ATP7A: variants seen among roughly 807,000 people sequenced by gnomAD.
ATP7A encodes ATPase copper transporting alpha, also known as copper-transporting ATPase 1.
In ATP7A, 7 loss-of-function variants were observed where a neutral mutation model predicts 83.5. The ratio of observed to expected loss-of-function variants is 0.08; its 90% confidence interval spans 0.05 to 0.16. ATP7A has a LOEUF of 0.16. Ranked by LOEUF, ATP7A falls within the 10% of genes least tolerant of loss-of-function variation. The pLI, the probability that ATP7A is intolerant of heterozygous loss-of-function variation, is 1.00. For missense variants in ATP7A, 940 were observed against 1,120.8 expected, an observed-to-expected ratio of 0.84 and a Z score of 2.30; for synonymous variants, 354 against 395.2, an observed-to-expected ratio of 0.90 and a Z score of 1.24.
chrX:78,017,746 T>G (rs781873414), intron 12 of ATP7A, among the ~76,000 whole-genome samples: 1 of 102,776 alleles, frequency 9.7e-6, no homozygotes, highest in East Asian at 3.3e-4. Context: ...AAAAATGCCA[T>G]CCGTCTCTTT....
chrX:77,960,923 A>G (rs2077470830), intron 1 of ATP7A, among the ~76,000 whole-genome samples: 1 of 111,735 alleles, frequency 8.9e-6, no homozygotes, highest in Admixed American at 9.6e-5. Flanking sequence ...GTAGGATGTT[A>G]CAAAAGATAT....
chrX:78,011,380 G>C lies in ATP7A; in HGVS notation c.1947-69G>C. ...TGGTCACAATGTATATCTCTCTGTA[G>C]TATGTAGAATCTTTACCCATTAGCT... is the stretch of plus-strand genomic sequence containing the variant. On this transcript the variant is annotated intron_variant, in intron 8 of 22. Coordinates refer to ENST00000341514, the MANE Select transcript of ATP7A (RefSeq NM_000052.7). 10 of 1,061,650 alleles carry C rather than the reference G, an allele frequency of 9.4e-6. No individual in the cohort carries two copies. In the South Asian group the frequency reaches 1.3e-4, roughly 14 times the overall value. The allele number at this position is 1,061,650 out of a possible 1,213,427, so 87.5% of individuals were successfully genotyped here.
chrX:77,956,733 T>C (rs1361929246), intron 1 of ATP7A, among the ~76,000 whole-genome samples: 1 of 81,894 alleles, frequency 1.2e-5, no homozygotes, highest in Admixed American at 1.5e-4. Flanking sequence ...TCTCCTTTCT[T>C]TCTTTCTTTC....
At chrX:78,005,683 C>CAAAAAAAAAAAAAAAAAAAAAAAAAA (rs1218646073) in intron 6 of ATP7A, among the ~76,000 whole-genome samples, 2 of 13,697 alleles carry the variant, frequency 1.5e-4, no homozygotes, top group Non-Finnish European at 1.2e-4. Context: ...AACTCCATCT[C>CAAAAAAAAAAAAAAAAAAAAAAAAAA]AAAAAAAAAA....
intron 11 of ATP7A, 98 bp from the exon 12 acceptor site, chrX:78,015,656 A>G: frequency 1.8e-6 from 2 of 1,086,491 alleles, no homozygotes; most frequent in Non-Finnish European, 2.5e-6. Flanking sequence ...GGCAGTAATT[A>G]TGGAGCCACA....
chrX:77,932,265 C>T (rs1371771330), intron 1 of ATP7A, among the ~76,000 whole-genome samples: 4 of 97,678 alleles, frequency 4.1e-5, no homozygotes, highest in African/African-American at 1.2e-4. Flanking sequence ...ACATCCCAGA[C>T]GGGGCGGCGG....
chrX:77,939,426 C>A (rs904664633), intron 1 of ATP7A, among the ~76,000 whole-genome samples: 1 of 110,627 alleles, frequency 9.0e-6, no homozygotes, highest in Non-Finnish European at 1.9e-5. Context: ...GCAGTATGGC[C>A]GGGTCAGAGA....
chrX:77,973,168 A>G (rs2077558302), intron 2 of ATP7A, among the ~76,000 whole-genome samples: 1 of 111,743 alleles, frequency 8.9e-6, no homozygotes, highest in Non-Finnish European at 1.9e-5. Context: ...ATATTTAGGA[A>G]CTTATGAAAA....
chrX:77,998,681 G>A lies in ATP7A; in HGVS notation c.1540G>A (p.Glu514Lys). The A allele has an allele frequency of 4.1e-6, 5 of 1,210,549 alleles. No individual in the cohort carries two copies. The highest frequency in any genetic ancestry group is 5.6e-6 in the Non-Finnish European group (5 of 894,400). ...CATTGAACGGAATTTAAGGCGGGAAGAAGGTGAGACACTCTTGAAGCTTGT... is the reference window on the plus strand; with the variant it reads ...CATTGAACGGAATTTAAGGCGGGAAAAAGGTGAGACACTCTTGAAGCTTGT... ...ANIERNLRREEGIYSILVALM... is the reference protein window; with the variant it reads ...ANIERNLRREKGIYSILVALM... The change falls in exon 5 of 23, where the codon GAA becomes AAA. Residue 514 changes from glutamate (E) to lysine (K), a missense_variant. Glu to Lys is a moderately conservative substitution (Grantham distance 56). Coordinates refer to ENST00000341514, the MANE Select transcript of ATP7A (RefSeq NM_000052.7).
chrX:77,968,154 C>T (rs1383063283), intron 1 of ATP7A, among the ~76,000 whole-genome samples: 3 of 110,063 alleles, frequency 2.7e-5, no homozygotes, highest in Non-Finnish European at 5.7e-5. Flanking sequence ...CTAATACACA[C>T]ACCAGGAAGC....
rs1051647723 is a variant in ATP7A at position 78,047,609 on chromosome X, C to G, written c.*1039C>G. The stretch of plus-strand genomic sequence containing the variant: ...GTTGAGACAGAGTCTTGTTTTGCAG[C>G]CCAGGCTGGAGTGCAGTGGCACCAT... On this transcript the variant is annotated 3_prime_UTR_variant, in exon 23 of 23. Coordinates refer to ENST00000341514, the MANE Select transcript of ATP7A (RefSeq NM_000052.7). 1.8e-5 allele frequency: 2 copies of G among 111,744 alleles called. No homozygotes were observed. Among genetic ancestry groups the G allele is most frequent in the African/African-American group, 6.5e-5 (2 of 30,670 alleles). 9.2% of individuals were successfully genotyped at this position (111,744 alleles called of 1,213,427 possible). A position where few individuals can be genotyped will look rare whatever the true frequency, so the allele number is the denominator to read the frequency against.
intron 1 of ATP7A, among the ~76,000 whole-genome samples, chrX:77,961,915 T>G (rs1160552700): frequency 3.6e-5 from 4 of 111,899 alleles, no homozygotes; most frequent in African/African-American, 1.3e-4. Context: ...AAAAAGAGTT[T>G]ATATTTTAAA....
At position 77,989,931 on chromosome X, in the gene ATP7A, G is replaced by A. The variant is rs781927920; in HGVS notation, c.1309G>A (p.Asp437Asn). ...AGAAACGTTGAGAGGAGCAATAGAAGACATGGGATTTGATGCTACCTTGTC... is the reference window on the plus strand; with the variant it reads ...AGAAACGTTGAGAGGAGCAATAGAAAACATGGGATTTGATGCTACCTTGTC... ...SPETLRGAIE[D>N]MGFDATLSDT... The change falls in exon 4 of 23, where the codon GAC (aspartate) becomes AAC (asparagine). Residue 437 changes from aspartate to asparagine, a missense_variant. Physicochemically the swap from Asp to Asn is conservative, Grantham distance 23 (BLOSUM62 1). This residue lies in a region of ATP7A where 350 missense variants were observed against 432.8 expected (regional missense o/e 0.81). Coordinates refer to ENST00000341514, the MANE Select transcript of ATP7A (RefSeq NM_000052.7). The A allele has an allele frequency of 5.0e-6, 6 of 1,209,831 alleles. No individual in the cohort carries two copies. The African/African-American group carries it at 7.0e-5, about 14-fold the overall frequency.
chrX:77,978,918 G>A (rs1603379896), intron 2 of ATP7A, among the ~76,000 whole-genome samples: 1 of 110,174 alleles, frequency 9.1e-6, no homozygotes, highest in Non-Finnish European at 1.9e-5. Flanking sequence ...TGCAACCTTC[G>A]CCTCCTGGGT....
intron 10 of ATP7A, among the ~76,000 whole-genome samples, chrX:78,013,843 T>C (rs1308032291): frequency 1.8e-5 from 2 of 111,360 alleles, no homozygotes; most frequent in African/African-American, 6.5e-5. Flanking sequence ...GTCAGTGAAG[T>C]ATTTTTACTA....
In ATP7A at chrX:77,989,295, A is replaced by G. The variant is rs782619990; in HGVS notation, c.673A>G (p.Met225Val). 5.0e-5 allele frequency: 60 copies of G among 1,209,431 alleles called. No individual in the cohort carries two copies. The highest frequency in any genetic ancestry group is 1.8e-4 in the Admixed American group (8 of 45,628). ...ACCTCATCTTATCTCAGTAGAGGAA[A>G]TGAAAAAGCAGATTGAAGCTATGGG... ...YQPHLISVEEMKKQIEAMGFP... is the reference protein window; with the variant it reads ...YQPHLISVEEVKKQIEAMGFP... The change falls in exon 4 of 23, where the codon ATG (methionine) becomes GTG (valine). Residue 225 changes from methionine to valine, a missense_variant. Physicochemically the swap from Met to Val is conservative, Grantham distance 21. Around this residue, in one of 3 missense-constraint regions of ATP7A, gnomAD observed 350 missense variants for 432.8 expected, o/e 0.81. Transcript: ENST00000341514.
intron 1 of ATP7A, among the ~76,000 whole-genome samples, chrX:77,953,637 A>T (rs1186412120): frequency 1.8e-5 from 2 of 112,359 alleles, no homozygotes; most frequent in Non-Finnish European, 3.8e-5. Context: ...GGAAAGGCAC[A>T]TATATACTTG....
intron 2 of ATP7A, among the ~76,000 whole-genome samples, chrX:77,980,431 C>T (rs868970465): frequency 5.9e-4 from 64 of 109,190 alleles, no homozygotes; most frequent in African/African-American, 2.0e-3. Context: ...GGCAACAGAG[C>T]GAGACTCCAA....
At chrX:78,017,036 G>T (rs1338150662) in intron 12 of ATP7A, among the ~76,000 whole-genome samples, 1 of 112,657 alleles carries the variant, frequency 8.9e-6, no homozygotes, top group Non-Finnish European at 1.9e-5. Flanking sequence ...CCCTAGCAGA[G>T]GTTTTCCATG....
Sources: gnomAD v4.1 joint callset for allele counts (sites outside exome capture counted in the v4.1 genomes callset) on GRCh38, gnomAD v4.1.1 for gene constraint, gnomAD v4.1.1 regional missense constraint, MANE v1.5 for transcripts, NCBI Gene and HGNC (gene_info 2026-07-23, HGNC 2026-07-21) for gene names.